The following SETBP1 variants were observed in gnomAD, a reference collection of about 807,000 sequenced individuals.
SETBP1 encodes the protein SET binding protein 1.
A neutral mutation model predicts 101.0 loss-of-function variants in SETBP1; 9 were observed. The observed-to-expected ratio is 0.09, with a 90% CI of 0.05 to 0.16. The LOEUF is 0.16. SETBP1 is among the 10% of genes least tolerant of loss of function. The pLI is 1.00. For synonymous variants in SETBP1, 818 were observed against 788.5 expected (o/e 1.04, Z -0.63); for missense variants, 1,858 against 2,033.8 (o/e 0.91, Z 1.66).
intron 1 of SETBP1, among the ~76,000 whole-genome samples, chr18:44,695,054 CAAT>C (rs2068992854): frequency 6.6e-6 from 1 of 151,682 alleles, no homozygotes; most frequent in South Asian, 2.1e-4. Context: ...ACAGTGAAGT[CAAT>C]AAAGGCAAAG....
chr18:44,701,520 G>C lies in SETBP1; in HGVS notation c.174G>C (p.Glu58Asp). 2 of 1,614,100 alleles carry C rather than the reference G, an allele frequency of 1.2e-6. No homozygotes were observed. Among genetic ancestry groups the C allele is most frequent in the South Asian group, 1.1e-5 (1 of 91,080 alleles). Reference protein sequence around the residue: ...IPVGGERMEPEEEDELGSGRD... With the variant: ...IPVGGERMEPDEEDELGSGRD... ...TGGGCGGAGAGCGCATGGAGCCAGAGGAGGAGGATGAACTAGGCTCAGGGC... is the reference window on the plus strand; with the variant it reads ...TGGGCGGAGAGCGCATGGAGCCAGACGAGGAGGATGAACTAGGCTCAGGGC... Residue 58 changes from glutamate (E) to aspartate (D), a missense_variant, in exon 2 of 6, where the codon GAG becomes GAC. This residue lies in a region of SETBP1 where 97 missense variants were observed against 101.2 expected (regional missense o/e 0.96). Coordinates refer to ENST00000649279, the MANE Select transcript of SETBP1 (RefSeq NM_015559.3).
chr18:44,820,967 G>C (rs1470417064), intron 2 of SETBP1, among the ~76,000 whole-genome samples: 1 of 152,158 alleles, frequency 6.6e-6, no homozygotes, highest in Non-Finnish European at 1.5e-5. Context: ...TCCTTTCATT[G>C]AAGTAAGAGG....
intron 4 of SETBP1, among the ~76,000 whole-genome samples, chr18:44,984,161 C>G (rs1003518017): frequency 1.4e-5 from 2 of 142,988 alleles, no homozygotes; most frequent in African/African-American, 6.1e-5. Context: ...AGGTTGCACT[C>G]TAGCCTGGGA....
At chr18:44,836,879 A>G (rs1318271727) in intron 2 of SETBP1, among the ~76,000 whole-genome samples, 1 of 151,978 alleles carries the variant, frequency 6.6e-6, no homozygotes, top group Non-Finnish European at 1.5e-5. Context: ...TTATATTTCT[A>G]TTTGAGCCAC....
At chr18:44,727,984 C>T (rs1469768646) in intron 2 of SETBP1, among the ~76,000 whole-genome samples, 1 of 152,172 alleles carries the variant, frequency 6.6e-6, no homozygotes, top group Non-Finnish European at 1.5e-5. Flanking sequence ...GAGGTCCTTA[C>T]ACGTACCATT....
Position 44,814,798 on chromosome 18 carries a change from A to G in SETBP1, c.487-54432A>G, listed in dbSNP as rs1426252626. Among the ~76,000 whole-genome samples, 4 of 152,252 alleles carry G rather than the reference A, an allele frequency of 2.6e-5. No individual in the cohort carries two copies. In the East Asian group the frequency reaches 7.7e-4, roughly 29 times the overall value. ...AATGTCAGAATCTGAACAGGTTTTT[A>G]AAAATTGGCTTGGATTGATAATCAG... On this transcript the variant is annotated intron_variant, in intron 2 of 5. Transcript: ENST00000649279.
intron 3 of SETBP1, among the ~76,000 whole-genome samples, chr18:44,937,493 A>G (rs1383298775): frequency 6.6e-6 from 1 of 150,474 alleles, no homozygotes. Flanking sequence ...CACTACTGCT[A>G]GTTTCTAGAC....
intron 2 of SETBP1, among the ~76,000 whole-genome samples, chr18:44,836,961 T>C (rs1221230251): frequency 6.6e-6 from 1 of 152,208 alleles, no homozygotes; most frequent in Non-Finnish European, 1.5e-5. Flanking sequence ...CATGATTTTA[T>C]CTCCATTTCT....
chr18:44,951,869 C>T lies in SETBP1; in HGVS notation c.2529C>T (p.Cys843=), dbSNP rs199582335. Reference sequence around the variant, plus strand: ...TGGCCAACTCCCCTTCACACCTGTGCGAGATTGGCTCCCTAAAGGAAATCA... The same window carrying T: ...TGGCCAACTCCCCTTCACACCTGTGTGAGATTGGCTCCCTAAAGGAAATCA... ...RLMANSPSHL[C]EIGSLKEITL... is the part of the protein sequence containing the mutation. Residue 843 remains cysteine (C), a synonymous_variant, in exon 4 of 6, where the codon TGC becomes TGT. Coordinates refer to ENST00000649279, the MANE Select transcript of SETBP1 (RefSeq NM_015559.3). This position sits in a 1 kb window ranked among gnomAD's most constrained non-coding sequence, Gnocchi z 7.8. 76 of 1,614,054 alleles carry T rather than the reference C, an allele frequency of 4.7e-5. No homozygotes were observed. The highest frequency in any genetic ancestry group is 1.2e-4 in the Admixed American group (7 of 60,010).
intron 1 of SETBP1, among the ~76,000 whole-genome samples, chr18:44,700,413 T>A (rs1005954976): frequency 6.6e-6 from 1 of 152,198 alleles, no homozygotes; most frequent in African/African-American, 2.4e-5. Context: ...GAATTACAAC[T>A]GTCTAGAAAG....
chr18:44,775,530 T>C (rs2070980723), intron 2 of SETBP1, among the ~76,000 whole-genome samples: 1 of 152,198 alleles, frequency 6.6e-6, no homozygotes, highest in Non-Finnish European at 1.5e-5. Flanking sequence ...ACTTCCTCCA[T>C]AGTGTTGTTT....
At chr18:44,904,065 T>G (rs1466934523) in intron 3 of SETBP1, among the ~76,000 whole-genome samples, 1 of 152,192 alleles carries the variant, frequency 6.6e-6, no homozygotes, top group Non-Finnish European at 1.5e-5. Flanking sequence ...TCATACATAT[T>G]TGCTCAATGA....
At chr18:44,772,675 G>T (rs1279083344) in intron 2 of SETBP1, among the ~76,000 whole-genome samples, 1 of 152,182 alleles carries the variant, frequency 6.6e-6, no homozygotes, top group Non-Finnish European at 1.5e-5. Context: ...GACTGAACTG[G>T]TTTGAATCCA....
At chr18:44,891,670 G>A (rs1488899027) in intron 3 of SETBP1, among the ~76,000 whole-genome samples, 1 of 151,996 alleles carries the variant, frequency 6.6e-6, no homozygotes, top group African/African-American at 2.4e-5. Context: ...AGGCCTGCAT[G>A]ATCTCAACTG....
At position 44,950,918 on chromosome 18, in the gene SETBP1, T is replaced by A. The variant is rs758296793; in HGVS notation, c.1578T>A (p.Phe526Leu). Residue 526 changes from phenylalanine (F) to leucine (L), a missense_variant, in exon 4 of 6, where the codon TTT becomes TTA. Coordinates refer to ENST00000649279, the MANE Select transcript of SETBP1 (RefSeq NM_015559.3). ...TGCCAGAAATCCAGCATCCAAAATT[T>A]GCTGCAAAACGAAGGTGGACTTGCA... ...RKLPEIQHPK[F>L]AAKRRWTCSK... 39 of 1,614,026 alleles carry A rather than the reference T, an allele frequency of 2.4e-5. No homozygotes were observed. Among genetic ancestry groups the A allele is most frequent in the Non-Finnish European group, 3.2e-5 (38 of 1,180,036 alleles).
intron 4 of SETBP1, among the ~76,000 whole-genome samples, chr18:45,016,075 G>A (rs1406834702): frequency 6.6e-6 from 1 of 152,112 alleles, no homozygotes; most frequent in African/African-American, 2.4e-5. Flanking sequence ...AACAACAAAA[G>A]AAAATACAGC....
chr18:44,892,034 A>T (rs1041633932), intron 3 of SETBP1, among the ~76,000 whole-genome samples: 2 of 152,176 alleles, frequency 1.3e-5, no homozygotes, highest in African/African-American at 4.8e-5. Flanking sequence ...TTTGAGAAGA[A>T]ACAACAGAAA....
chr18:45,033,433 G>A (rs1206776074), intron 4 of SETBP1, among the ~76,000 whole-genome samples: 1 of 152,124 alleles, frequency 6.6e-6, no homozygotes, highest in African/African-American at 2.4e-5. Flanking sequence ...TGCTGCAAGG[G>A]ACAAATAGCA....
chr18:44,964,334 G>A (rs1273729561), intron 4 of SETBP1, among the ~76,000 whole-genome samples: 1 of 152,106 alleles, frequency 6.6e-6, no homozygotes, highest in East Asian at 1.9e-4. Flanking sequence ...GGCCCCAGGA[G>A]TTCAAAACCA....
Sources: allele counts gnomAD v4.1 joint callset (sites outside exome capture counted in the v4.1 genomes callset), GRCh38; gene constraint gnomAD v4.1.1; regional missense constraint gnomAD v4.1.1; non-coding constraint Gnocchi (gnomAD v3.1); transcripts MANE v1.5; gene names NCBI Gene and HGNC (gene_info 2026-07-23, HGNC 2026-07-21).